Variants in CFAP47 observed in about 807,000 individuals in gnomAD.
CFAP47 encodes the protein cilia and flagella associated protein 47.
A neutral mutation model predicts 148.1 loss-of-function variants in CFAP47; 29 were observed. The observed-to-expected ratio is 0.20, with a 90% CI of 0.15 to 0.27. The LOEUF is 0.27. Among genes scored for constraint, CFAP47 ranks in the 10% least tolerant of loss-of-function variants. CFAP47 has a pLI of 1.00. For synonymous variants in CFAP47, 664 were observed against 577.3 expected (o/e 1.15, Z -2.15); for missense variants, 1,872 against 1,697.5 (o/e 1.10, Z -1.81).
intron 42 of CFAP47, among the ~76,000 whole-genome samples, chrX:36,190,562 G>A (rs1193615496): frequency 8.9e-6 from 1 of 112,255 alleles, no homozygotes; most frequent in East Asian, 2.8e-4. Context: ...ATATTCCGAC[G>A]ACAGTCTATC....
intron 46 of CFAP47, among the ~76,000 whole-genome samples, chrX:36,233,461 G>T (rs1301136146): frequency 1.2e-4 from 13 of 110,391 alleles, no homozygotes; most frequent in East Asian, 8.6e-4. Flanking sequence ...GTTTTCCATT[G>T]GCTTGGTAGA....
At chrX:35,996,912 T>C (rs1010373413) in intron 18 of CFAP47, among the ~76,000 whole-genome samples, 1 of 112,083 alleles carries the variant, frequency 8.9e-6, no homozygotes, top group East Asian at 2.8e-4. Flanking sequence ...ATTATGGTTG[T>C]TGTGCATATT....
At chrX:35,986,284 C>A (rs1020294445) in intron 15 of CFAP47, among the ~76,000 whole-genome samples, 2 of 110,158 alleles carry the variant, frequency 1.8e-5, no homozygotes, top group Admixed American at 9.7e-5. Context: ...TCCCATATTT[C>A]TTGGAGGCTT....
At chrX:36,225,608 G>T (rs1940261508) in intron 45 of CFAP47, among the ~76,000 whole-genome samples, 1 of 111,819 alleles carries the variant, frequency 8.9e-6, no homozygotes. Flanking sequence ...GAAGAGTCTT[G>T]TGAAAGCACT....
intron 15 of CFAP47, among the ~76,000 whole-genome samples, chrX:35,978,044 A>G (rs141856713): frequency 0.017 from 1,876 of 112,382 alleles, 32 homozygotes; most frequent in African/African-American, 0.058. Context: ...TAATACTGAA[A>G]ATACTGGATC....
chrX:36,309,329 TAAC>T (rs782289446), intron 55 of CFAP47, among the ~76,000 whole-genome samples: 12 of 111,402 alleles, frequency 1.1e-4, no homozygotes, highest in Admixed American at 7.7e-4. Flanking sequence ...TGATTCTTCT[TAAC>T]AAGTTTTAAT....
chrX:36,325,219 C>T (rs1263483237), intron 57 of CFAP47, among the ~76,000 whole-genome samples: 1 of 111,452 alleles, frequency 9.0e-6, no homozygotes. Context: ...ATACAATGTG[C>T]CAGGAGCTAT....
chrX:35,971,185 C>T (rs985190827), intron 11 of CFAP47, among the ~76,000 whole-genome samples: 3 of 111,639 alleles, frequency 2.7e-5, no homozygotes, highest in Non-Finnish European at 5.6e-5. Flanking sequence ...TGTGTGCTCT[C>T]GGGAGAAACC....
At chrX:36,101,111 C>T (rs1938368852) in intron 32 of CFAP47, among the ~76,000 whole-genome samples, 1 of 111,381 alleles carries the variant, frequency 9.0e-6, no homozygotes, top group South Asian at 3.8e-4. Context: ...TATTCTTGTG[C>T]AAAAATTCAT....
At position 36,250,738 on chromosome X, in the gene CFAP47, G is replaced by A. The variant is rs191765657; in HGVS notation, c.7333-595G>A. Among the ~76,000 whole-genome samples, 633 of 109,851 alleles carry A rather than the reference G, an allele frequency of 5.8e-3. 7 individuals are homozygous for A. The highest frequency in any genetic ancestry group is 0.019 in the African/African-American group (581 of 30,365). On this transcript the variant is annotated intron_variant, in intron 48 of 63. Transcript: ENST00000378653. Reference sequence around the variant, plus strand: ...TTTTAAAAGTATGCTAAATAAAAAAGTCAGTGACAAAAGTCCACATCGTAC... The same window carrying A: ...TTTTAAAAGTATGCTAAATAAAAAAATCAGTGACAAAAGTCCACATCGTAC...
At chrX:36,065,329 G>T (rs1212016892) in intron 26 of CFAP47, among the ~76,000 whole-genome samples, 1 of 111,033 alleles carries the variant, frequency 9.0e-6, no homozygotes, top group Admixed American at 9.6e-5. Flanking sequence ...CTCCATAGAA[G>T]AATGGAGTAA....
chrX:36,230,699 G>C (rs1425688741), intron 46 of CFAP47, among the ~76,000 whole-genome samples: 2 of 109,745 alleles, frequency 1.8e-5, no homozygotes, highest in African/African-American at 6.7e-5. Context: ...CCTATGTCCT[G>C]AATGGTAATG....
At chrX:36,339,205 G>A (rs924274046) in intron 57 of CFAP47, among the ~76,000 whole-genome samples, 5 of 109,699 alleles carry the variant, frequency 4.6e-5, no homozygotes, top group African/African-American at 1.7e-4. Context: ...ACCTTGGTGT[G>A]TATATTATAT....
intron 45 of CFAP47, among the ~76,000 whole-genome samples, chrX:36,224,254 G>GA (rs1410336538): frequency 6.6e-5 from 7 of 106,115 alleles, no homozygotes; most frequent in African/African-American, 1.0e-4. Context: ...AAAATGAAAG[G>GA]AAAAAAAAAG....
At chrX:36,225,409 T>G (rs1940258990) in intron 45 of CFAP47, among the ~76,000 whole-genome samples, 1 of 111,833 alleles carries the variant, frequency 8.9e-6, no homozygotes. Flanking sequence ...CAGCACAGGG[T>G]AGCTGGGTGC....
intron 15 of CFAP47, among the ~76,000 whole-genome samples, chrX:35,977,585 C>G (rs1039053348): frequency 4.5e-5 from 5 of 110,600 alleles, no homozygotes; most frequent in Non-Finnish European, 9.5e-5. Flanking sequence ...TTCCCCTTCT[C>G]TCTCCCTCCC....
At chrX:36,298,719 T>G (rs975312573) in intron 51 of CFAP47, among the ~76,000 whole-genome samples, 3 of 111,149 alleles carry the variant, frequency 2.7e-5, no homozygotes, top group African/African-American at 9.8e-5. Flanking sequence ...TTACAAATAG[T>G]TTTCATCCAT....
chrX:35,937,408 G>A (rs1468149468), intron 2 of CFAP47, among the ~76,000 whole-genome samples: 2 of 109,403 alleles, frequency 1.8e-5, no homozygotes, highest in African/African-American at 6.6e-5. Context: ...GTTGGTTGGG[G>A]GATTGTGAGA....
chrX:36,248,496 T>TCACA (rs60595897), intron 48 of CFAP47, among the ~76,000 whole-genome samples: 6,048 of 95,384 alleles, frequency 0.063, 474 homozygotes, highest in African/African-American at 0.22. Context: ...ACATATTATA[T>TCACA]CACACACACA....
Sources: gnomAD v4.1 joint callset for allele counts (sites outside exome capture counted in the v4.1 genomes callset) on GRCh38, gnomAD v4.1.1 for gene constraint, MANE v1.5 for transcripts, NCBI Gene and HGNC (gene_info 2026-07-23, HGNC 2026-07-21) for gene names.